TMEM237: variants seen among roughly 807,000 people sequenced by gnomAD.
The protein encoded by TMEM237 is transmembrane protein 237, also known as amyotrophic lateral sclerosis 2 (juvenile) chromosome region, candidate 4.
In TMEM237, 51 loss-of-function variants were observed where a neutral mutation model predicts 59.1. The ratio of observed to expected loss-of-function variants is 0.86; its 90% CI spans 0.69 to 1.09. The LOEUF is 1.09. Ranked by LOEUF, TMEM237 falls within the 50% of genes least tolerant of loss-of-function variation. The pLI, the probability that TMEM237 is intolerant of heterozygous loss-of-function variation, is 0.00. For synonymous variants in TMEM237, 140 were observed against 166.1 expected, an observed-to-expected ratio of 0.84 and a Z score of 1.21; for missense variants, 475 against 478.3, an observed-to-expected ratio of 0.99 and a Z score of 0.06.
intron 12 of TMEM237, among the ~76,000 whole-genome samples, chr2:201,625,431 A>G (rs541562183): frequency 6.6e-6 from 1 of 152,270 alleles, no homozygotes; most frequent in East Asian, 1.9e-4. Flanking sequence ...AGGAAACACA[A>G]TTTACAATAC....
rs986834370 is a variant in TMEM237, at chr2:201,635,708, G to A, written c.274+1040C>T. On this transcript the variant is annotated intron_variant, in intron 5 of 12. Coordinates refer to ENST00000409883, the MANE Select transcript of TMEM237 (RefSeq NM_001044385.3). This position sits in a 1 kb window ranked among gnomAD's most constrained non-coding sequence, Gnocchi z 4.5. ...ACCCGGGAGGCAGAAGTTCCAGTGA[G>A]CTGAGATCGCACCATTGCACTCCAG... Among the ~76,000 whole-genome samples, 2 of 151,586 alleles carry A rather than the reference G, an allele frequency of 1.3e-5. No homozygotes were observed. The highest frequency in any genetic ancestry group is 4.9e-5 in the African/African-American group (2 of 41,178).
intron 1 of TMEM237, among the ~76,000 whole-genome samples, chr2:201,642,321 A>C (rs536623197): frequency 6.6e-6 from 1 of 152,316 alleles, no homozygotes; most frequent in Admixed American, 6.5e-5. Flanking sequence ...CGAACAGTAG[A>C]TTAATGCAAG....
At chr2:201,634,365 T>TA (rs1199855115) in intron 5 of TMEM237, 1 of 152,198 alleles carries the variant, frequency 6.6e-6, no homozygotes, top group Admixed American at 6.6e-5. Context: ...ACTGGAAATA[T>TA]AATGCAAGCA....
rs1957705843 is a variant in TMEM237, at chr2:201,621,292, T to C, written c.*2963A>G. 2 of 152,146 alleles carry C rather than the reference T, an allele frequency of 1.3e-5. No homozygotes were observed. Among genetic ancestry groups the C allele is most frequent in the African/African-American group, 4.8e-5 (2 of 41,446 alleles). 9.4% of individuals were successfully genotyped at this position (152,146 alleles called of 1,614,324 possible). On this transcript the variant is annotated 3_prime_UTR_variant, in exon 13 of 13. Transcript: ENST00000409883. ...GCTTGGACTCTTCAAAAAATTGTCATGGGAAATTAGAATGGTACCGCCAAC... is the reference window on the plus strand; with the variant it reads ...GCTTGGACTCTTCAAAAAATTGTCACGGGAAATTAGAATGGTACCGCCAAC...
chr2:201,642,763 C>G, intron 1 of TMEM237: 1 of 1,443,968 alleles, frequency 6.9e-7, no homozygotes, highest in Non-Finnish European at 9.0e-7. Context: ...CAGCGCCCTG[C>G]GGGGATGTTG....
chr2:201,634,117 T>G (rs771304440), intron 5 of TMEM237, among the ~76,000 whole-genome samples: 4 of 151,878 alleles, frequency 2.6e-5, no homozygotes, highest in African/African-American at 7.3e-5. Context: ...GAGCTGTTTA[T>G]CATCCAAGTT....
intron 7 of TMEM237, 97 bp from the exon 8 acceptor site, chr2:201,629,949 G>C: frequency 6.8e-7 from 1 of 1,476,230 alleles, no homozygotes. Flanking sequence ...CGCAAACTAA[G>C]ACTGAAATAT....
chr2:201,642,578 T>A (rs768644982), intron 1 of TMEM237: 1 of 1,601,482 alleles, frequency 6.2e-7, no homozygotes, highest in South Asian at 1.1e-5. Context: ...ACAAAAATCC[T>A]AACAATTAAA....
chr2:201,642,731 C>CGTCATCGG, intron 1 of TMEM237: 1 of 1,526,372 alleles, frequency 6.6e-7, no homozygotes, highest in East Asian at 2.6e-5. Flanking sequence ...CGGGCCGCGC[C>CGTCATCGG]GCCTGGCTAG....
At chr2:201,642,511 T>C (rs1687445168) in intron 1 of TMEM237, 2 of 1,381,476 alleles carry the variant, frequency 1.4e-6, no homozygotes, top group African/African-American at 1.5e-5. Flanking sequence ...AAAATGACGT[T>C]CCACCCACCC....
chr2:201,626,178 C>A, intron 11 of TMEM237, 31 bp from the exon 12 acceptor site: 1 of 1,602,744 alleles, frequency 6.2e-7, no homozygotes, highest in Non-Finnish European at 8.5e-7. Flanking sequence ...ATTAGAAGTG[C>A]CTTCAGTTTG....
chr2:201,626,535 A>G (rs888190896), intron 11 of TMEM237, among the ~76,000 whole-genome samples: 22 of 36,496 alleles, frequency 6.0e-4, no homozygotes, highest in Middle Eastern at 0.011. Context: ...GCATTTGGGG[A>G]AAAAAAAAAA....
In TMEM237 at chr2:201,626,010, T is replaced by G; in HGVS notation, c.1159+16A>C. The G allele has an allele frequency of 1.3e-6, 2 of 1,557,822 alleles. No homozygotes were observed. Among genetic ancestry groups the G allele is most frequent in the Non-Finnish European group, 1.7e-6 (2 of 1,150,726 alleles). ...AGATTTCAGGATATTCTTATGCTATTTTTTTTCTTTAATACCTTCACTAAG... is the reference window on the plus strand; with the variant it reads ...AGATTTCAGGATATTCTTATGCTATGTTTTTTCTTTAATACCTTCACTAAG... On this transcript the variant is annotated intron_variant, in intron 12 of 12. Coordinates refer to ENST00000409883, the MANE Select transcript of TMEM237 (RefSeq NM_001044385.3).
intron 7 of TMEM237, 30 bp downstream of exon 7, chr2:201,632,021 T>C: frequency 6.2e-7 from 1 of 1,610,258 alleles, no homozygotes; most frequent in Non-Finnish European, 8.5e-7. Context: ...TTTTAAAGAG[T>C]TCATATTCTA....
rs1217828487 is a variant in TMEM237 at position 201,620,653 on chromosome 2, TTGCTGGGCAAATGTCCTCA to T, written c.*3583_*3601del. ...TGCCAGTTGGACATTGGACAGGGAG[TTGCTGGGCAAATGTCCTCA>T]TAGAAGTATTTTTTGTGTGTGTCAG... On this transcript the variant is annotated 3_prime_UTR_variant, in exon 13 of 13. Coordinates refer to ENST00000409883, the MANE Select transcript of TMEM237 (RefSeq NM_001044385.3). 1.3e-5 allele frequency: 2 copies of T among 152,014 alleles called. No individual in the cohort carries two copies. The highest frequency in any genetic ancestry group is 3.4e-3 in the Middle Eastern group (1 of 294). 9.4% of individuals were successfully genotyped at this position (152,014 alleles called of 1,614,324 possible). A position where few individuals can be genotyped will look rare whatever the true frequency, so the allele number is the denominator to read the frequency against.
intron 2 of TMEM237, 112 bp from the exon 3 acceptor site, chr2:201,640,377 C>A (rs1336482616): frequency 1.9e-6 from 2 of 1,073,610 alleles, no homozygotes; most frequent in Non-Finnish European, 2.6e-6. Context: ...TAAATCATTA[C>A]AAATTTAAAA....
At position 201,643,331 on chromosome 2, in the gene TMEM237, C is replaced by T. The variant is rs757895407; in HGVS notation, c.42+28G>A. ...GTGTAGCTGTTTACCCGCCACCTCT[C>T]GAGGCCGACGCGCCCCTCGCCGCTC... On this transcript the variant is annotated intron_variant, in intron 1 of 12. Transcript: ENST00000409883. The surrounding 1 kb of genome is among the most constrained non-coding windows in gnomAD (Gnocchi z 4.3). 25 of 1,545,536 alleles carry T rather than the reference C, an allele frequency of 1.6e-5. No individual in the cohort carries two copies. In the South Asian group the frequency reaches 3.0e-4, roughly 18 times the overall value.
At chr2:201,640,961 G>C (rs1559590920) in intron 1 of TMEM237, 37 bp from the exon 2 acceptor site, 1 of 1,582,424 alleles carries the variant, frequency 6.3e-7, no homozygotes, top group Admixed American at 1.7e-5. Context: ...GTAAGTAAAA[G>C]CCTAGAGCAT....
In TMEM237 at chr2:201,629,222, G is replaced by A. The variant is rs1238683224; in HGVS notation, c.869+8C>T. On this transcript the variant is annotated splice_region_variant and intron_variant, in intron 9 of 12. Coordinates refer to ENST00000409883, the MANE Select transcript of TMEM237 (RefSeq NM_001044385.3). ...GAAGTTAGACAGATCTGGAGTCATA[G>A]GCATTACCTGTCAAAAGCTGAAATT... 1 of 1,542,780 alleles carries A rather than the reference G, an allele frequency of 6.5e-7. No homozygotes were observed. Among genetic ancestry groups the A allele is most frequent in the Non-Finnish European group, 8.7e-7 (1 of 1,151,896 alleles).
Sources: allele counts gnomAD v4.1 joint callset (sites outside exome capture counted in the v4.1 genomes callset), GRCh38; gene constraint gnomAD v4.1.1; non-coding constraint Gnocchi (gnomAD v3.1); transcripts MANE v1.5; gene names NCBI Gene and HGNC (gene_info 2026-07-23, HGNC 2026-07-21).